The following UBR4 variants were observed in gnomAD, a reference collection of about 807,000 sequenced individuals.
UBR4 encodes the protein E3 ubiquitin-protein ligase UBR4.
Under a neutral mutation model 575.6 loss-of-function variants are expected in UBR4, and 124 were observed. That is an observed-to-expected ratio of 0.22 (90% confidence interval 0.19 to 0.25). The LOEUF (loss-of-function observed/expected upper bound fraction) is 0.25. Among genes scored for constraint, UBR4 ranks in the 10% least tolerant of loss-of-function variants. UBR4 has a pLI of 1.00. For missense variants in UBR4, 4,818 were observed against 6,478.8 expected (o/e 0.74, Z 8.80); for synonymous variants, 2,455 against 2,473.7 (o/e 0.99, Z 0.22).
Position 19,183,822 on chromosome 1 carries a change from G to A in UBR4, c.2173C>T (p.Pro725Ser), listed in dbSNP as rs1455385847. The change falls in exon 17 of 106, where the codon CCT becomes TCT. Residue 725 changes from proline to serine, a missense_variant. Pro to Ser is a moderately conservative substitution (Grantham distance 74). Coordinates refer to ENST00000375254, the MANE Select transcript of UBR4 (RefSeq NM_020765.3). Reference protein sequence around the residue: ...HSLVTSDLQSPNLQNTLLQQL... With the variant: ...HSLVTSDLQSSNLQNTLLQQL... Reference sequence around the variant, plus strand: ...CAGCACACACAAACCTGCAGGTTAGGTGACTGAAGGTCAGAGGTTACCAGT... The same window carrying A: ...CAGCACACACAAACCTGCAGGTTAGATGACTGAAGGTCAGAGGTTACCAGT... 1.9e-6 allele frequency: 3 copies of A among 1,614,024 alleles called. No homozygotes were observed. The highest frequency in any genetic ancestry group is 2.5e-6 in the Non-Finnish European group (3 of 1,180,000).
In UBR4 at chr1:19,081,212, T is replaced by G. The variant is rs72961917; in HGVS notation, c.15233+137A>C. ...AGCTTAGACTCTTGACATGACAGAC[T>G]GAGAAGGGAGAAGGGCTGGTGTCAA... On this transcript the variant is annotated intron_variant, in intron 103 of 105. Coordinates refer to ENST00000375254, the MANE Select transcript of UBR4 (RefSeq NM_020765.3). 8.3e-4 allele frequency: 633 copies of G among 764,882 alleles called. 2 individuals carry two copies. The African/African-American group carries it at 0.01, about 13-fold the overall frequency. The allele number at this position is 764,882 out of a possible 1,614,324, so 47.4% of individuals were successfully genotyped here. A position where few individuals can be genotyped will look rare whatever the true frequency, so the allele number is the denominator to read the frequency against.
chr1:19,198,771 T>A, intron 4 of UBR4, 28 bp downstream of exon 4: 1 of 1,613,616 alleles, frequency 6.2e-7, no homozygotes, highest in Non-Finnish European at 8.5e-7. Context: ...GGTGGTCATG[T>A]GATCAGATCT....
Position 19,141,652 on chromosome 1 carries a change from T to A in UBR4, c.8305A>T (p.Met2769Leu). 1 of 1,614,076 alleles carries A rather than the reference T, an allele frequency of 6.2e-7. No homozygotes were observed. Among genetic ancestry groups the A allele is most frequent in the South Asian group, 1.1e-5 (1 of 91,072 alleles). ...QSEVDHGDFE[M>L]VSESMVLETA... is the part of the protein sequence containing the mutation. ...TCCTGCTGCCAGAGACTCACCACCA[T>A]CTCAAAATCTCCATGGTCCACCTCA... is the stretch of plus-strand genomic sequence containing the variant. Residue 2769 changes from methionine (M) to leucine (L), a missense_variant, in exon 56 of 106, where the codon ATG (methionine) becomes TTG (leucine). Transcript: ENST00000375254.
chr1:19,092,372 C>T (rs2077606691), intron 97 of UBR4, among the ~76,000 whole-genome samples: 1 of 152,038 alleles, frequency 6.6e-6, no homozygotes, highest in African/African-American at 2.4e-5. Flanking sequence ...CTATCCAGGG[C>T]CAGTTAGGAT....
At chr1:19,155,178 T>C (rs1027884291) in intron 43 of UBR4, 103 bp from the exon 44 acceptor site, 4 of 1,488,112 alleles carry the variant, frequency 2.7e-6, no homozygotes, top group Non-Finnish European at 3.7e-6. Context: ...GGTGCTCTCA[T>C]ACTCTAAGCA....
intron 1 of UBR4, among the ~76,000 whole-genome samples, chr1:19,203,883 A>G (rs1410746774): frequency 1.3e-5 from 2 of 152,176 alleles, no homozygotes; most frequent in East Asian, 3.8e-4. Context: ...AACAAGCAGC[A>G]CTCAAAAGTT....
intron 55 of UBR4, 83 bp downstream of exon 55, chr1:19,143,897 G>T: frequency 7.7e-7 from 1 of 1,291,712 alleles, no homozygotes; most frequent in Non-Finnish European, 1.1e-6. Context: ...GTCAACATGA[G>T]CAGCATGCCC....
At chr1:19,145,715 G>GCTAA (rs2084771407) in intron 53 of UBR4, 78 bp downstream of exon 53, 1 of 1,498,752 alleles carries the variant, frequency 6.7e-7, no homozygotes, top group South Asian at 1.3e-5. Context: ...AAAGCTAATG[G>GCTAA]CTAACGGTCA....
intron 33 of UBR4, among the ~76,000 whole-genome samples, 170 bp from the exon 34 acceptor site, chr1:19,163,997 G>C (rs555720333): frequency 6.6e-6 from 1 of 152,104 alleles, no homozygotes; most frequent in Non-Finnish European, 1.5e-5. Flanking sequence ...GGGTGCTCTG[G>C]CCTTAGAATT....
intron 51 of UBR4, among the ~76,000 whole-genome samples, chr1:19,147,237 G>A (rs1466150860): frequency 6.6e-6 from 1 of 152,096 alleles, no homozygotes; most frequent in African/African-American, 2.4e-5. Context: ...AAGTATGATG[G>A]GAAAATTCAA....
chr1:19,177,435 G>C, intron 19 of UBR4, 26 bp downstream of exon 19: 1 of 1,603,512 alleles, frequency 6.2e-7, no homozygotes, highest in Non-Finnish European at 8.5e-7. Context: ...TAATGGTGAA[G>C]CAAAAAAGAA....
intron 44 of UBR4, among the ~76,000 whole-genome samples, chr1:19,154,462 T>C (rs1310126472): frequency 6.6e-6 from 1 of 152,188 alleles, no homozygotes; most frequent in Non-Finnish European, 1.5e-5. Flanking sequence ...CACCCCTCTA[T>C]TATTTGCAAA....
At position 19,122,971 on chromosome 1, in the gene UBR4, C is replaced by G; in HGVS notation, c.9678G>C (p.Gln3226His). The G allele has an allele frequency of 6.2e-7, 1 of 1,614,204 alleles. No homozygotes were observed. The change falls in exon 66 of 106, where the codon CAG becomes CAC. Residue 3226 changes from glutamine to histidine, a missense_variant. Transcript: ENST00000375254. Reference sequence around the variant, plus strand: ...AGTCCAGGGTGTGCAAATCCCGGAGCTGGCGGTACTTCTCTTTGGATCCAC... The same window carrying G: ...AGTCCAGGGTGTGCAAATCCCGGAGGTGGCGGTACTTCTCTTTGGATCCAC... ...FICGSKEKYR[Q>H]LRDLHTLDSH...
At chr1:19,154,690 C>T (rs12131098) in intron 44 of UBR4, among the ~76,000 whole-genome samples, 12,863 of 152,232 alleles carry the variant, frequency 0.084, 648 homozygotes, top group Non-Finnish European at 0.12. Flanking sequence ...CCCTAAACTA[C>T]CTCTGACAGC....
intron 60 of UBR4, 83 bp from the exon 61 acceptor site, chr1:19,129,157 C>T (rs1299856140): frequency 8.4e-7 from 1 of 1,184,216 alleles, no homozygotes; most frequent in East Asian, 2.4e-5. Context: ...CCAACCCCAC[C>T]CTGCTACCAA....
intron 11 of UBR4, among the ~76,000 whole-genome samples, chr1:19,191,387 C>T (rs973051833): frequency 1.3e-5 from 2 of 152,280 alleles, no homozygotes; most frequent in Non-Finnish European, 2.9e-5. Context: ...ATGAGAATTG[C>T]TTGAACCCGC....
Position 19,094,692 on chromosome 1 carries a change from A to G in UBR4, c.13746+214T>C, listed in dbSNP as rs1335044506. Among the ~76,000 whole-genome samples the G allele has an allele frequency of 4.6e-5, 7 of 152,260 alleles. 1 individual carries two copies. Among genetic ancestry groups the G allele is most frequent in the Admixed American group, 4.6e-4 (7 of 15,288 alleles). ...TCCATTAACGAGCAGCTTTTGAGTG[A>G]AAGACTATCCTTAGCAATTGTGCTT... is the stretch of plus-strand genomic sequence containing the variant. On this transcript the variant is annotated intron_variant, in intron 94 of 105. Transcript: ENST00000375254.
At chr1:19,158,181 C>T (rs1466200275) in intron 39 of UBR4, among the ~76,000 whole-genome samples, 184 bp from the exon 40 acceptor site, 2 of 152,170 alleles carry the variant, frequency 1.3e-5, no homozygotes, top group African/African-American at 4.8e-5. Context: ...TTAAGAATAA[C>T]ATAGTAAATG....
chr1:19,174,780 C>T (rs1280996562), intron 21 of UBR4, among the ~76,000 whole-genome samples, 174 bp downstream of exon 21: 2 of 152,216 alleles, frequency 1.3e-5, no homozygotes, highest in Non-Finnish European at 2.9e-5. Flanking sequence ...AGCAAAAGTG[C>T]ACCCAACAAA....
Sources: allele counts gnomAD v4.1 joint callset (sites outside exome capture counted in the v4.1 genomes callset), GRCh38; gene constraint gnomAD v4.1.1; transcripts MANE v1.5; gene names NCBI Gene and HGNC (gene_info 2026-07-23, HGNC 2026-07-21).